Variants in ZNF704 observed in about 807,000 individuals in gnomAD.
The protein encoded by ZNF704 is glucocorticoid induced gene 1.
Under a neutral mutation model 44.7 loss-of-function variants are expected in ZNF704, and 10 were observed. The ratio of observed to expected loss-of-function variants is 0.22; its 90% CI spans 0.14 to 0.38. The LOEUF (loss-of-function observed/expected upper bound fraction) is 0.38. Ranked by LOEUF, ZNF704 falls within the 10% of genes least tolerant of loss-of-function variation. ZNF704 has a pLI of 1.00. For missense variants in ZNF704, 390 were observed against 545.5 expected (o/e 0.71, Z 2.84); for synonymous variants, 211 against 207.6 (o/e 1.02, Z -0.14).
intron 2 of ZNF704, among the ~76,000 whole-genome samples, chr8:80,769,956 A>C (rs1255812451): frequency 1.3e-5 from 2 of 152,154 alleles, no homozygotes; most frequent in African/African-American, 4.8e-5. Context: ...GTGGCTGGGG[A>C]GGCCTCACAA....
At chr8:80,771,061 T>C (rs1807311608) in intron 2 of ZNF704, among the ~76,000 whole-genome samples, 1 of 152,206 alleles carries the variant, frequency 6.6e-6, no homozygotes, top group Non-Finnish European at 1.5e-5. Context: ...TTCTTTATTC[T>C]GTTGCATTCA....
chr8:80,785,297 T>C (rs1807596094), intron 2 of ZNF704, among the ~76,000 whole-genome samples: 1 of 152,196 alleles, frequency 6.6e-6, no homozygotes, highest in Admixed American at 6.5e-5. Flanking sequence ...CCACAAGAAG[T>C]AAAGCATTAT....
chr8:80,726,081 T>C (rs992821570), intron 2 of ZNF704, among the ~76,000 whole-genome samples: 1 of 152,118 alleles, frequency 6.6e-6, no homozygotes, highest in African/African-American at 2.4e-5. Flanking sequence ...TATGTTTAGA[T>C]ACAGAGCATA....
chr8:80,769,788 C>T (rs550816118), intron 2 of ZNF704, among the ~76,000 whole-genome samples: 43 of 152,260 alleles, frequency 2.8e-4, no homozygotes, highest in Admixed American at 8.5e-4. Flanking sequence ...GCCTGTTACC[C>T]GGGTCCAAAG....
At chr8:80,754,283 T>C (rs1334762050) in intron 2 of ZNF704, among the ~76,000 whole-genome samples, 3 of 152,196 alleles carry the variant, frequency 2.0e-5, no homozygotes, top group Non-Finnish European at 1.5e-5. Flanking sequence ...AGGACAGCCA[T>C]TTAGTGGTTT....
chr8:80,693,938 A>G (rs1193123547), intron 2 of ZNF704, among the ~76,000 whole-genome samples: 2 of 152,166 alleles, frequency 1.3e-5, no homozygotes, highest in Non-Finnish European at 2.9e-5. Flanking sequence ...GAATAGAAGG[A>G]GGGAGGCCAC....
intron 2 of ZNF704, among the ~76,000 whole-genome samples, chr8:80,744,566 G>T (rs547221565): frequency 6.6e-6 from 1 of 152,234 alleles, no homozygotes; most frequent in South Asian, 2.1e-4. Context: ...AAAAAATCGT[G>T]TCATCCCTGC....
At chr8:80,655,698 C>A (rs1045271613) in intron 7 of ZNF704, among the ~76,000 whole-genome samples, 1 of 152,144 alleles carries the variant, frequency 6.6e-6, no homozygotes, top group Non-Finnish European at 1.5e-5. Context: ...AGATGCTGTG[C>A]CCTTCTGTAA....
intron 2 of ZNF704, among the ~76,000 whole-genome samples, chr8:80,709,317 G>A (rs561717125): frequency 4.6e-5 from 7 of 151,766 alleles, no homozygotes; most frequent in East Asian, 1.9e-4. Flanking sequence ...GGTGGCGGGC[G>A]CGTGTAGTCC....
intron 2 of ZNF704, among the ~76,000 whole-genome samples, chr8:80,757,552 A>G (rs1352818654): frequency 1.3e-5 from 2 of 152,156 alleles, no homozygotes; most frequent in Non-Finnish European, 2.9e-5. Context: ...AATTTGGTGT[A>G]GCCTAAGTGT....
intron 1 of ZNF704, among the ~76,000 whole-genome samples, chr8:80,821,959 T>G (rs1808279934): frequency 6.6e-6 from 1 of 152,158 alleles, no homozygotes; most frequent in African/African-American, 2.4e-5. Flanking sequence ...AGTAAACTCT[T>G]CAATATTTCA....
intron 2 of ZNF704, among the ~76,000 whole-genome samples, chr8:80,772,334 T>C (rs1807334754): frequency 6.6e-6 from 1 of 152,200 alleles, no homozygotes; most frequent in South Asian, 2.1e-4. Flanking sequence ...TAGATTGTTC[T>C]TGCACTGCTA....
At chr8:80,651,420 C>G (rs1158894544) in intron 7 of ZNF704, among the ~76,000 whole-genome samples, 57 of 146,078 alleles carry the variant, frequency 3.9e-4, no homozygotes, top group South Asian at 1.1e-3. Context: ...TTCAGGAAAC[C>G]CATCTCATGT....
At chr8:80,685,139 T>A (rs1252232131) in intron 4 of ZNF704, among the ~76,000 whole-genome samples, 1 of 145,496 alleles carries the variant, frequency 6.9e-6, no homozygotes, top group African/African-American at 2.8e-5. Flanking sequence ...AAAATAAATA[T>A]ATATAATAAA....
chr8:80,773,500 A>C (rs1807359615), intron 2 of ZNF704, among the ~76,000 whole-genome samples: 1 of 152,218 alleles, frequency 6.6e-6, no homozygotes, highest in Admixed American at 6.5e-5. Context: ...ATCAAACATA[A>C]TTTAGTAAAC....
intron 2 of ZNF704, among the ~76,000 whole-genome samples, chr8:80,706,933 T>G (rs1358049362): frequency 6.6e-6 from 1 of 152,188 alleles, no homozygotes; most frequent in Non-Finnish European, 1.5e-5. Flanking sequence ...CAATCCCCTT[T>G]TAAGCTGCTT....
chr8:80,808,456 T>G (rs76823045), intron 2 of ZNF704, among the ~76,000 whole-genome samples: 9,061 of 152,318 alleles, frequency 0.059, 299 homozygotes, highest in Non-Finnish European at 0.076. Context: ...TTTCAAGTTG[T>G]AACTTTATTT....
At chr8:80,834,201 TAATAAC>T (rs1808519664) in intron 1 of ZNF704, among the ~76,000 whole-genome samples, 1 of 141,276 alleles carries the variant, frequency 7.1e-6, no homozygotes, top group Non-Finnish European at 1.5e-5. Flanking sequence ...CTCAAAAAAA[TAATAAC>T]AAAAGAGAAA....
Position 80,647,785 on chromosome 8 carries a change from T to C in ZNF704, c.1033-4656A>G, listed in dbSNP as rs111911689. Reference sequence around the variant, plus strand: ...TGGCAGGAGGCACAGTGGTGCCACTTTCTGAGATGAGAAAGTTACAGAAGC... The same window carrying C: ...TGGCAGGAGGCACAGTGGTGCCACTCTCTGAGATGAGAAAGTTACAGAAGC... On this transcript the variant is annotated intron_variant, in intron 7 of 8. Coordinates refer to ENST00000327835, the MANE Select transcript of ZNF704 (RefSeq NM_001033723.3). Among the ~76,000 whole-genome samples the C allele has an allele frequency of 2.9e-3, 446 of 152,236 alleles. 2 individuals carry two copies. The highest frequency in any genetic ancestry group is 0.01 in the African/African-American group (427 of 41,530).
Sources: gnomAD v4.1 joint callset for allele counts (sites outside exome capture counted in the v4.1 genomes callset) on GRCh38, gnomAD v4.1.1 for gene constraint, MANE v1.5 for transcripts, NCBI Gene and HGNC (gene_info 2026-07-23, HGNC 2026-07-21) for gene names.